The following L3MBTL4 variants were observed in gnomAD, a reference collection of about 807,000 sequenced individuals.
L3MBTL4 encodes lethal(3)malignant brain tumor-like protein 4.
In L3MBTL4, 70 loss-of-function variants were observed where a neutral mutation model predicts 84.5. The ratio of observed to expected loss-of-function variants is 0.83; its 90% CI spans 0.68 to 1.01. The LOEUF (loss-of-function observed/expected upper bound fraction) is 1.01. Among genes scored for constraint, L3MBTL4 ranks in the 50% least tolerant of loss-of-function variants. L3MBTL4 has a pLI of 0.00. For missense variants in L3MBTL4, 715 were observed against 754.8 expected, an observed-to-expected ratio of 0.95 and a Z score of 0.62; for synonymous variants, 274 against 259.8, an observed-to-expected ratio of 1.05 and a Z score of -0.52.
intron 4 of L3MBTL4, among the ~76,000 whole-genome samples, chr18:6,272,232 G>A (rs565954966): frequency 1.3e-5 from 2 of 152,316 alleles, no homozygotes; most frequent in East Asian, 3.9e-4. Context: ...GGAGGACCCT[G>A]AGATAAAAAG....
intron 12 of L3MBTL4, among the ~76,000 whole-genome samples, chr18:6,210,634 T>C (rs1428159763): frequency 6.6e-6 from 1 of 152,160 alleles, no homozygotes; most frequent in Non-Finnish European, 1.5e-5. Flanking sequence ...CTTAGAACAG[T>C]GTGTGACAAA....
chr18:6,057,419 T>C (rs936478012), intron 16 of L3MBTL4, among the ~76,000 whole-genome samples: 13 of 152,230 alleles, frequency 8.5e-5, no homozygotes, highest in Non-Finnish European at 1.8e-4. Context: ...TTGGTTTTTA[T>C]TTTTTAATTA....
intron 16 of L3MBTL4, among the ~76,000 whole-genome samples, chr18:6,033,847 T>C (rs930199848): frequency 6.6e-6 from 1 of 152,244 alleles, no homozygotes; most frequent in Admixed American, 6.5e-5. Flanking sequence ...TCCAAAATTA[T>C]ATCTTTATAC....
In L3MBTL4 at chr18:6,336,042, A is replaced by G. The variant is rs531937320; in HGVS notation, c.-90-23986T>C. 2.0e-5 allele frequency among the ~76,000 whole-genome samples: 3 copies of G among 152,338 alleles called. No individual in the cohort carries two copies. The East Asian group carries it at 5.8e-4, about 29-fold the overall frequency. On this transcript the variant is annotated intron_variant, in intron 1 of 18. Transcript: ENST00000317931. ...GAAAGGTCACAAGTAGTCACAGGCC[A>G]GCCCTGTGATGTCAAGTGCTTCTAA...
chr18:6,218,046 T>C (rs951475768), intron 10 of L3MBTL4, among the ~76,000 whole-genome samples: 1 of 152,210 alleles, frequency 6.6e-6, no homozygotes, highest in African/African-American at 2.4e-5. Context: ...TTGCTTTCTA[T>C]CCTTTCCTTT....
chr18:6,019,699 A>G (rs1313745262), intron 16 of L3MBTL4, among the ~76,000 whole-genome samples: 4 of 152,224 alleles, frequency 2.6e-5, no homozygotes, highest in African/African-American at 9.6e-5. Flanking sequence ...CAGAGAAGTC[A>G]GGTTAATTCA....
intron 1 of L3MBTL4, among the ~76,000 whole-genome samples, chr18:6,318,544 A>G (rs2051240011): frequency 6.8e-6 from 1 of 146,764 alleles, no homozygotes; most frequent in Non-Finnish European, 1.5e-5. Context: ...AGGTCATTAT[A>G]TAATAATAAA....
chr18:6,182,424 T>C (rs1490327619), intron 12 of L3MBTL4, among the ~76,000 whole-genome samples: 1 of 152,160 alleles, frequency 6.6e-6, no homozygotes, highest in Non-Finnish European at 1.5e-5. Context: ...TGCTTGTTGA[T>C]GCGTTTCTGG....
intron 12 of L3MBTL4, among the ~76,000 whole-genome samples, chr18:6,201,037 C>T (rs1474954840): frequency 1.3e-5 from 2 of 152,152 alleles, no homozygotes; most frequent in Non-Finnish European, 2.9e-5. Context: ...CATGAAATGC[C>T]AGGTGCTATT....
intron 12 of L3MBTL4, among the ~76,000 whole-genome samples, chr18:6,197,671 A>G (rs1464831187): frequency 6.6e-6 from 1 of 152,146 alleles, no homozygotes; most frequent in South Asian, 2.1e-4. Flanking sequence ...GGTTCTAGGT[A>G]CAGCTTGCCT....
intron 10 of L3MBTL4, among the ~76,000 whole-genome samples, chr18:6,233,842 A>T (rs916886391): frequency 6.6e-6 from 1 of 152,240 alleles, no homozygotes; most frequent in Admixed American, 6.5e-5. Context: ...GAACCAAAAA[A>T]GGGCCTGCAT....
chr18:6,176,510 A>G (rs2044232646), intron 12 of L3MBTL4, among the ~76,000 whole-genome samples: 1 of 152,206 alleles, frequency 6.6e-6, no homozygotes, highest in Non-Finnish European at 1.5e-5. Context: ...ATGTGAAAAA[A>G]AATGAGCCAG....
intron 4 of L3MBTL4, among the ~76,000 whole-genome samples, chr18:6,276,863 G>A (rs1046987726): frequency 6.6e-6 from 1 of 151,838 alleles, no homozygotes; most frequent in Admixed American, 6.6e-5. Flanking sequence ...AAATAAGGAA[G>A]ACAAGAAAAG....
rs114977725 is a variant in L3MBTL4 at position 6,280,928 on chromosome 18, A to T, written c.128-16890T>A. 6.7e-3 allele frequency among the ~76,000 whole-genome samples: 1,023 copies of T among 152,242 alleles called. 13 individuals are homozygous for T. The highest frequency in any genetic ancestry group is 0.024 in the African/African-American group (986 of 41,522). On this transcript the variant is annotated intron_variant, in intron 4 of 18. Transcript: ENST00000317931. The stretch of plus-strand genomic sequence containing the variant: ...TTCAGAAGGAAGCAGCCCTCCTCAC[A>T]CCTTGACTCTGGCCCACAGAGACCC...
At chr18:6,020,617 G>A (rs1238340301) in intron 16 of L3MBTL4, among the ~76,000 whole-genome samples, 1 of 152,146 alleles carries the variant, frequency 6.6e-6, no homozygotes, top group Admixed American at 6.5e-5. Context: ...GAGACTCTTC[G>A]GGCCTGCACT....
chr18:6,307,996 T>C (rs2050667039), intron 3 of L3MBTL4, among the ~76,000 whole-genome samples: 1 of 152,186 alleles, frequency 6.6e-6, no homozygotes, highest in Non-Finnish European at 1.5e-5. Context: ...CGCAGAACGC[T>C]TACATACACA....
chr18:6,118,171 A>ACT (rs144219677), intron 14 of L3MBTL4, among the ~76,000 whole-genome samples: 45 of 140,042 alleles, frequency 3.2e-4, no homozygotes, highest in Non-Finnish European at 4.1e-4. Flanking sequence ...ATGCAAACTC[A>ACT]CTCTCTCTCT....
At chr18:6,349,570 G>A (rs1303011929) in intron 1 of L3MBTL4, among the ~76,000 whole-genome samples, 1 of 152,074 alleles carries the variant, frequency 6.6e-6, no homozygotes, top group Non-Finnish European at 1.5e-5. Flanking sequence ...CCCTAAAACA[G>A]TGAATAAATT....
rs76608926 is a variant in L3MBTL4 at position 6,220,959 on chromosome 18, T to C, written c.785-5124A>G. On this transcript the variant is annotated intron_variant, in intron 10 of 18. Coordinates refer to ENST00000317931, the MANE Select transcript of L3MBTL4 (RefSeq NM_001330559.2). ...CTAATGTTCCAACAGCACTGTAAAC[T>C]GGATGATGCCAAGAAAAAGCCGTCT... is the stretch of plus-strand genomic sequence containing the variant. Among the ~76,000 whole-genome samples the C allele has an allele frequency of 1.4e-4, 21 of 152,268 alleles. No homozygotes were observed. In the East Asian group the frequency reaches 3.7e-3, roughly 27 times the overall value.
Sources: allele counts gnomAD v4.1 joint callset (sites outside exome capture counted in the v4.1 genomes callset), GRCh38; gene constraint gnomAD v4.1.1; transcripts MANE v1.5; gene names NCBI Gene and HGNC (gene_info 2026-07-23, HGNC 2026-07-21).